The following DNAJC1 variants were observed in gnomAD, a reference collection of about 807,000 sequenced individuals.
DNAJC1 encodes the protein dnaJ homolog subfamily C member 1.
DNAJC1 carries 58 observed loss-of-function variants against 76.6 expected under a neutral mutation model. That is an observed-to-expected ratio of 0.76 (90% CI 0.61 to 0.94). DNAJC1 has a LOEUF of 0.94. DNAJC1 is among the 40% of genes least tolerant of loss of function. The pLI, the probability that DNAJC1 is intolerant of heterozygous loss-of-function variation, is 0.00. For synonymous variants in DNAJC1, 258 were observed against 267.9 expected, an observed-to-expected ratio of 0.96 and a Z score of 0.36; for missense variants, 689 against 677.3, an observed-to-expected ratio of 1.02 and a Z score of -0.19.
intron 7 of DNAJC1, among the ~76,000 whole-genome samples, chr10:21,893,321 A>C (rs909086425): frequency 6.6e-6 from 1 of 152,216 alleles, no homozygotes; most frequent in Non-Finnish European, 1.5e-5. Context: ...GAGCTGAGTC[A>C]AATAAAAATA....
intron 9 of DNAJC1, chr10:21,785,156 A>C (rs1834588870): frequency 6.6e-6 from 1 of 152,234 alleles, no homozygotes; most frequent in Non-Finnish European, 1.5e-5. Context: ...AGCTTTGTGC[A>C]CTGGCAGTTT....
chr10:21,779,058 GC>G (rs1834492670), intron 9 of DNAJC1, among the ~76,000 whole-genome samples: 1 of 152,232 alleles, frequency 6.6e-6, no homozygotes, highest in Non-Finnish European at 1.5e-5. Context: ...AGGGGCGCCT[GC>G]CATTGCTGAG....
intron 9 of DNAJC1, among the ~76,000 whole-genome samples, chr10:21,771,124 A>G (rs929787997): frequency 6.6e-6 from 1 of 152,182 alleles, no homozygotes; most frequent in Non-Finnish European, 1.5e-5. Flanking sequence ...AATAAAACTG[A>G]TTTTTGTAAT....
intron 7 of DNAJC1, among the ~76,000 whole-genome samples, chr10:21,883,938 T>C (rs538766897): frequency 1.3e-5 from 2 of 152,296 alleles, no homozygotes; most frequent in African/African-American, 4.8e-5. Flanking sequence ...CTTACACAAC[T>C]GAGTATCCAT....
At chr10:21,776,577 G>T (rs1352175051) in intron 9 of DNAJC1, among the ~76,000 whole-genome samples, 1 of 152,068 alleles carries the variant, frequency 6.6e-6, no homozygotes. Context: ...AAACCACTTT[G>T]AAAAATTATT....
intron 1 of DNAJC1, among the ~76,000 whole-genome samples, chr10:22,001,287 G>A (rs1337409918): frequency 6.6e-6 from 1 of 152,120 alleles, no homozygotes; most frequent in Admixed American, 6.5e-5. Context: ...AAAGACCCTG[G>A]ACAGGTTGCA....
At chr10:21,978,904 C>T (rs554642917) in intron 1 of DNAJC1, among the ~76,000 whole-genome samples, 4 of 152,158 alleles carry the variant, frequency 2.6e-5, no homozygotes, top group South Asian at 2.1e-4. Context: ...CCGACTCTGG[C>T]TAAACACACT....
chr10:21,759,672 C>T (rs999196942), intron 10 of DNAJC1, 54 bp from the exon 11 acceptor site: 15 of 1,549,746 alleles, frequency 9.7e-6, no homozygotes, highest in Middle Eastern at 3.5e-4. Context: ...ATTAAGGAGA[C>T]GGTGAGAACA....
intron 8 of DNAJC1, among the ~76,000 whole-genome samples, chr10:21,825,392 C>A (rs1401844583): frequency 1.3e-5 from 2 of 152,246 alleles, no homozygotes; most frequent in Admixed American, 1.3e-4. Context: ...AAATGAATAA[C>A]GTTCCGTTGT....
intron 3 of DNAJC1, among the ~76,000 whole-genome samples, chr10:21,925,640 T>A (rs867745859): frequency 4.6e-5 from 7 of 152,350 alleles, no homozygotes; most frequent in South Asian, 2.1e-4. Context: ...TGCTACAATA[T>A]GGATGAATCT....
intron 8 of DNAJC1, among the ~76,000 whole-genome samples, chr10:21,875,220 A>G (rs1836166381): frequency 6.6e-6 from 1 of 152,016 alleles, no homozygotes; most frequent in Non-Finnish European, 1.5e-5. Context: ...CAGTGATGTG[A>G]TCAGAGCTCA....
intron 1 of DNAJC1, among the ~76,000 whole-genome samples, chr10:21,942,437 A>AATT (rs1354314231): frequency 6.6e-6 from 1 of 152,144 alleles, no homozygotes; most frequent in Non-Finnish European, 1.5e-5. Flanking sequence ...AAATAAGCAA[A>AATT]ATTATAGAGA....
intron 7 of DNAJC1, among the ~76,000 whole-genome samples, chr10:21,894,738 T>A (rs1037837644): frequency 2.6e-5 from 4 of 152,074 alleles, no homozygotes; most frequent in African/African-American, 9.7e-5. Flanking sequence ...TGCACAGAGG[T>A]GGAGCCTTTG....
intron 8 of DNAJC1, among the ~76,000 whole-genome samples, chr10:21,822,782 G>T (rs1254832143): frequency 6.6e-6 from 1 of 151,968 alleles, no homozygotes; most frequent in Non-Finnish European, 1.5e-5. Flanking sequence ...TAAAATTAAG[G>T]TAGGATTATA....
intron 8 of DNAJC1, among the ~76,000 whole-genome samples, chr10:21,816,808 G>A (rs1835085286): frequency 7.2e-6 from 1 of 139,850 alleles, no homozygotes; most frequent in South Asian, 2.6e-4. Flanking sequence ...GCCTCCCAAA[G>A]TGCTGGGATT....
chr10:21,834,545 A>G (rs1314037898), intron 8 of DNAJC1, among the ~76,000 whole-genome samples: 1 of 152,212 alleles, frequency 6.6e-6, no homozygotes, highest in Non-Finnish European at 1.5e-5. Context: ...TGGAAGCCCA[A>G]GGGGTCAGGG....
intron 1 of DNAJC1, among the ~76,000 whole-genome samples, chr10:21,953,867 C>CTATG (rs1486329159): frequency 7.8e-6 from 1 of 128,140 alleles, no homozygotes; most frequent in Non-Finnish European, 1.7e-5. Flanking sequence ...AAAAAACCAA[C>CTATG]TATGTATTCT....
chr10:21,938,442 C>T (rs1191856035), intron 1 of DNAJC1, among the ~76,000 whole-genome samples: 1 of 151,506 alleles, frequency 6.6e-6, no homozygotes, highest in East Asian at 1.9e-4. Context: ...GAAAAATCTG[C>T]CTTAGGTGAC....
At chr10:21,907,020 T>C (rs1836757405) in intron 6 of DNAJC1, among the ~76,000 whole-genome samples, 1 of 152,116 alleles carries the variant, frequency 6.6e-6, no homozygotes, top group African/African-American at 2.4e-5. Flanking sequence ...ATTGCATCCT[T>C]CTCACTTCAT....
Sources: allele counts gnomAD v4.1 joint callset (sites outside exome capture counted in the v4.1 genomes callset), GRCh38; gene constraint gnomAD v4.1.1; transcripts MANE v1.5; gene names NCBI Gene and HGNC (gene_info 2026-07-23, HGNC 2026-07-21).